ZMPSTE24: variants seen among roughly 807,000 people sequenced by gnomAD.
ZMPSTE24 encodes CAAX prenyl protease 1 homolog.
A neutral mutation model predicts 56.7 loss-of-function variants in ZMPSTE24; 48 were observed. The observed-to-expected ratio is 0.85, with a 90% CI of 0.67 to 1.08. ZMPSTE24 has a LOEUF of 1.08. Ranked by LOEUF, ZMPSTE24 falls within the 50% of genes least tolerant of loss-of-function variation. The pLI is 0.00. For synonymous variants in ZMPSTE24, 172 were observed against 195.2 expected (o/e 0.88, Z 0.99); for missense variants, 503 against 548.7 (o/e 0.92, Z 0.83).
intron 8 of ZMPSTE24, among the ~76,000 whole-genome samples, chr1:40,288,754 T>C (rs1253658501): frequency 1.3e-5 from 2 of 152,174 alleles, no homozygotes; most frequent in African/African-American, 2.4e-5. Flanking sequence ...AACAGTAATT[T>C]TGGAAGTTTT....
In ZMPSTE24 at chr1:40,289,796, TCTAA is replaced by T. The variant is rs1371592285; in HGVS notation, c.1060-1054_1060-1051del. Among the ~76,000 whole-genome samples, 5 of 152,326 alleles carry T rather than the reference TCTAA, an allele frequency of 3.3e-5. No homozygotes were observed. In the East Asian group the frequency reaches 7.7e-4, roughly 24 times the overall value. On this transcript the variant is annotated intron_variant, in intron 8 of 9. Coordinates refer to ENST00000372759, the MANE Select transcript of ZMPSTE24 (RefSeq NM_005857.5). ...TGGATCTACTTTTCCCCCTGACCTT[TCTAA>T]CTATCTGGTACAGCTCCAGTGGGCC...
intron 7 of ZMPSTE24, 84 bp from the exon 8 acceptor site, chr1:40,285,841 A>T: frequency 9.2e-7 from 1 of 1,091,926 alleles, no homozygotes; most frequent in Non-Finnish European, 1.3e-6. Flanking sequence ...TTTAAGTTAA[A>T]ATCTATGAAG....
At chr1:40,276,027 A>G (rs898676620) in intron 6 of ZMPSTE24, among the ~76,000 whole-genome samples, 1 of 152,202 alleles carries the variant, frequency 6.6e-6, no homozygotes, top group African/African-American at 2.4e-5. Context: ...TGACTAAGCC[A>G]GGGCATGGGG....
intron 8 of ZMPSTE24, among the ~76,000 whole-genome samples, chr1:40,286,760 T>C (rs1430075472): frequency 7.7e-6 from 1 of 130,496 alleles, no homozygotes; most frequent in Non-Finnish European, 1.6e-5. Context: ...GGAGTTTCAC[T>C]CTTGTTGCCC....
At chr1:40,279,691 C>T (rs187221064) in intron 6 of ZMPSTE24, among the ~76,000 whole-genome samples, 5 of 152,226 alleles carry the variant, frequency 3.3e-5, no homozygotes, top group Admixed American at 6.5e-5. Flanking sequence ...TTGCGATGTT[C>T]GGTTGGGTGT....
chr1:40,267,647 G>A (rs1259712287), intron 2 of ZMPSTE24, 139 bp from the exon 3 acceptor site: 19 of 633,506 alleles, frequency 3.0e-5, no homozygotes, highest in South Asian at 8.8e-5. Flanking sequence ...TGGGATTACA[G>A]GCATGAGCCA....
chr1:40,268,903 C>T (rs1375856179), intron 4 of ZMPSTE24, among the ~76,000 whole-genome samples: 3 of 151,028 alleles, frequency 2.0e-5, no homozygotes, highest in Admixed American at 6.6e-5. Flanking sequence ...CCGTGAAACC[C>T]GTCTCTACTG....
chr1:40,285,950 A>G lies in ZMPSTE24; in HGVS notation c.980A>G (p.Glu327Gly). ...VKNKKQGCKN[E>G]EVLAVLGHEL... ...AATAAGAAACAAGGATGTAAAAATG[A>G]GGAGGTACTCGCTGTACTAGGCCAT... The change falls in exon 8 of 10, where the codon GAG (glutamate) becomes GGG (glycine). Residue 327 changes from glutamate to glycine, a missense_variant. Physicochemically the swap from Glu to Gly is moderately conservative, Grantham distance 98. Coordinates refer to ENST00000372759, the MANE Select transcript of ZMPSTE24 (RefSeq NM_005857.5). 1 of 1,613,980 alleles carries G rather than the reference A, an allele frequency of 6.2e-7. No homozygotes were observed. The highest frequency in any genetic ancestry group is 8.5e-7 in the Non-Finnish European group (1 of 1,179,874).
intron 8 of ZMPSTE24, among the ~76,000 whole-genome samples, chr1:40,289,983 T>C (rs1192535285): frequency 6.6e-6 from 1 of 152,178 alleles, no homozygotes; most frequent in East Asian, 1.9e-4. Context: ...TATTGACCAC[T>C]TCAAACCCTC....
chr1:40,274,427 A>G (rs1486547326), intron 6 of ZMPSTE24, among the ~76,000 whole-genome samples: 1 of 152,234 alleles, frequency 6.6e-6, no homozygotes, highest in African/African-American at 2.4e-5. Context: ...CTATGCAGCA[A>G]ATTAAACTAG....
intron 2 of ZMPSTE24, chr1:40,262,970 G>A (rs1184943792): frequency 5.9e-6 from 6 of 1,010,084 alleles, no homozygotes; most frequent in Admixed American, 5.9e-5. Context: ...ATAATGACAA[G>A]GCAATTAGAT....
intron 1 of ZMPSTE24, 143 bp downstream of exon 1, chr1:40,258,537 C>G (rs1450931439): frequency 1.4e-6 from 2 of 1,438,324 alleles, no homozygotes; most frequent in Non-Finnish European, 1.9e-6. Context: ...TAACTTGGCC[C>G]GATGGCGGAC....
At chr1:40,262,337 A>ATTATCAGATAGC (rs1643505582) in intron 2 of ZMPSTE24, among the ~76,000 whole-genome samples, 1 of 152,240 alleles carries the variant, frequency 6.6e-6, no homozygotes, top group Non-Finnish European at 1.5e-5. Flanking sequence ...AAAAATTAAT[A>ATTATCAGATAGC]AATGATTTGG....
intron 7 of ZMPSTE24, among the ~76,000 whole-genome samples, chr1:40,283,767 C>A (rs1449377008): frequency 1.3e-5 from 2 of 151,878 alleles, no homozygotes; most frequent in African/African-American, 2.4e-5. Flanking sequence ...GATTTTTCTC[C>A]TCTCCATTTT....
intron 7 of ZMPSTE24, among the ~76,000 whole-genome samples, 199 bp downstream of exon 7, chr1:40,281,726 T>C (rs891265177): frequency 5.3e-5 from 8 of 152,176 alleles, no homozygotes; most frequent in African/African-American, 1.9e-4. Context: ...CAAGCTTTTA[T>C]AGAATGTGGA....
chr1:40,291,998 G>A (rs1375222374), intron 9 of ZMPSTE24, among the ~76,000 whole-genome samples: 2 of 151,778 alleles, frequency 1.3e-5, no homozygotes, highest in African/African-American at 2.4e-5. Flanking sequence ...CCATCACCAC[G>A]CCCAGCTAAT....
chr1:40,268,629 T>G, intron 4 of ZMPSTE24, 94 bp downstream of exon 4: 1 of 864,296 alleles, frequency 1.2e-6, no homozygotes, highest in Non-Finnish European at 1.8e-6. Flanking sequence ...ATTTACTATT[T>G]CAGAGTATGA....
chr1:40,284,608 C>T (rs1033770604), intron 7 of ZMPSTE24, among the ~76,000 whole-genome samples: 17 of 151,998 alleles, frequency 1.1e-4, no homozygotes, highest in African/African-American at 3.6e-4. Flanking sequence ...AAAAATTAGC[C>T]GGGTGTGGTG....
intron 7 of ZMPSTE24, among the ~76,000 whole-genome samples, chr1:40,281,736 A>G (rs1470492009): frequency 2.6e-5 from 4 of 152,122 alleles, no homozygotes; most frequent in Non-Finnish European, 5.9e-5. Flanking sequence ...TAGAATGTGG[A>G]TATTAAAATT....
Sources: gnomAD v4.1 joint callset for allele counts (sites outside exome capture counted in the v4.1 genomes callset) on GRCh38, gnomAD v4.1.1 for gene constraint, MANE v1.5 for transcripts, NCBI Gene and HGNC (gene_info 2026-07-23, HGNC 2026-07-21) for gene names.